The following PLAGL1 variants were observed in gnomAD, a reference collection of about 807,000 sequenced individuals.
PLAGL1 encodes the protein zinc finger protein PLAGL1.
In PLAGL1, 1 loss-of-function variant was observed where a neutral mutation model predicts 4.6. The ratio of observed to expected loss-of-function variants is 0.22; its 90% CI spans 0.08 to 1.03. PLAGL1 has a LOEUF of 1.03. Among genes scored for constraint, PLAGL1 ranks in the 50% least tolerant of loss-of-function variants. The pLI is 0.58. For synonymous variants in PLAGL1, 240 were observed against 237.8 expected (o/e 1.01, Z -0.08); for missense variants, 464 against 570.4 (o/e 0.81, Z 1.90).
chr6:144,014,020 C>G (rs1195050586), intron 1 of PLAGL1, among the ~76,000 whole-genome samples: 1 of 152,054 alleles, frequency 6.6e-6, no homozygotes, highest in African/African-American at 2.4e-5. Flanking sequence ...TGATTCTAAA[C>G]TTTATATGGA....
chr6:144,023,301 A>G (rs889456341), intron 1 of PLAGL1, among the ~76,000 whole-genome samples: 3 of 152,214 alleles, frequency 2.0e-5, no homozygotes, highest in African/African-American at 4.8e-5. Flanking sequence ...GCTATTGTGT[A>G]TGATAACATA....
intron 1 of PLAGL1, among the ~76,000 whole-genome samples, chr6:144,019,826 C>A (rs186743122): frequency 1.3e-5 from 2 of 150,858 alleles, no homozygotes; most frequent in African/African-American, 4.9e-5. Flanking sequence ...AGCTCAGATT[C>A]AGCCATCTGA....
intron 1 of PLAGL1, among the ~76,000 whole-genome samples, chr6:144,044,156 GT>G (rs529997770): frequency 6.6e-6 from 1 of 152,128 alleles, no homozygotes; most frequent in East Asian, 1.9e-4. Flanking sequence ...TTTTTGAAGG[GT>G]TTTTTGTGTC....
rs145754005 is a variant in PLAGL1, at chr6:144,036,159, G to A, written c.-151+28309C>T. ...TGCCTCCAGAATGACTCCTTCCAAT[G>A]CTCACTAATGCTTAGGGGCCTGAGG... On this transcript the variant is annotated intron_variant, in intron 1 of 3. Coordinates refer to the PLAGL1 transcript ENST00000437412. The surrounding 1 kb of genome is among the most constrained non-coding windows in gnomAD (Gnocchi z 5.1). Among the ~76,000 whole-genome samples, 67 of 152,270 alleles carry A rather than the reference G, an allele frequency of 4.4e-4. No homozygotes were observed. The highest frequency in any genetic ancestry group is 1.0e-3 in the African/African-American group (42 of 41,566).
At position 143,950,218 on chromosome 6, in the gene PLAGL1, A is replaced by G. The variant is rs1258667151; in HGVS notation, c.-324-1758T>C. 6.6e-6 allele frequency among the ~76,000 whole-genome samples: 1 copy of G among 152,136 alleles called. No individual in the cohort carries two copies. Among genetic ancestry groups the G allele is most frequent in the Non-Finnish European group, 1.5e-5 (1 of 68,000 alleles). ...ACCTTGGCACCACACCTTCTTTGTG[A>G]CGGCTGTGATTCTAGCAGCACACAC... On this transcript the variant is annotated intron_variant, in intron 6 of 7. Transcript: ENST00000674357. The surrounding 1 kb of genome is among the most constrained non-coding windows in gnomAD (Gnocchi z 6.3).
rs970496976 is a variant in PLAGL1, at chr6:143,949,013, A to G, written c.-324-553T>C. ...TTACTCTGCAGAAGGGCTGATATAA[A>G]CAGAATGTGCATGAAGCTAGTCTAG... On this transcript the variant is annotated intron_variant, in intron 6 of 7. Transcript: ENST00000674357. This position sits in a 1 kb window ranked among gnomAD's most constrained non-coding sequence, Gnocchi z 5.3. 2.0e-5 allele frequency among the ~76,000 whole-genome samples: 3 copies of G among 152,218 alleles called. No homozygotes were observed. Among genetic ancestry groups the G allele is most frequent in the African/African-American group, 7.2e-5 (3 of 41,464 alleles).
At chr6:144,033,173 T>C (rs1175829975) in intron 1 of PLAGL1, among the ~76,000 whole-genome samples, 2 of 152,172 alleles carry the variant, frequency 1.3e-5, no homozygotes, top group East Asian at 1.9e-4. Flanking sequence ...TGCGCAGATA[T>C]GTGAGTGACA....
At position 143,978,005 on chromosome 6, in the gene PLAGL1, T is replaced by C. The variant is rs368128989; in HGVS notation, c.-544+7130A>G. On this transcript the variant is annotated intron_variant, in intron 2 of 7. Transcript: ENST00000674357. This position sits in a 1 kb window ranked among gnomAD's most constrained non-coding sequence, Gnocchi z 4.6. ...CTATTCTCTTACTAATCCTGTATTT[T>C]ATCCATGGGATTAGCAGAATAACAC... is the stretch of plus-strand genomic sequence containing the variant. Among the ~76,000 whole-genome samples, 14 of 152,344 alleles carry C rather than the reference T, an allele frequency of 9.2e-5. No individual in the cohort carries two copies. In the South Asian group the frequency reaches 2.7e-3, roughly 29 times the overall value.
chr6:143,961,883 G>T lies in PLAGL1; in HGVS notation c.-398-1341C>A, dbSNP rs1322963516. 6.6e-6 allele frequency among the ~76,000 whole-genome samples: 1 copy of T among 152,142 alleles called. No individual in the cohort carries two copies. The highest frequency in any genetic ancestry group is 1.5e-5 in the Non-Finnish European group (1 of 68,028). Reference sequence around the variant, plus strand: ...GGGGTTCTTCTGCTTCCCAGGAAAGGGTGCACATAACGTGAGGTACGCAAA... The same window carrying T: ...GGGGTTCTTCTGCTTCCCAGGAAAGTGTGCACATAACGTGAGGTACGCAAA... On this transcript the variant is annotated intron_variant, in intron 5 of 7. Transcript: ENST00000674357. The surrounding 1 kb of genome is among the most constrained non-coding windows in gnomAD (Gnocchi z 6.5).
At chr6:143,987,665 C>T (rs1789528559) in intron 1 of PLAGL1, among the ~76,000 whole-genome samples, 3 of 151,974 alleles carry the variant, frequency 2.0e-5, no homozygotes, top group Non-Finnish European at 4.4e-5. Flanking sequence ...GCCAGCTGTC[C>T]GTGGCTGGGC....
intron 1 of PLAGL1, chr6:144,007,442 T>C (rs1794483299): frequency 6.6e-6 from 1 of 152,182 alleles, no homozygotes; most frequent in Non-Finnish European, 1.5e-5. Flanking sequence ...TTGATTTTTA[T>C]TGGTTTCCTA....
At chr6:144,007,772 TC>T (rs1431405234) in intron 1 of PLAGL1, 1 of 152,262 alleles carries the variant, frequency 6.6e-6, no homozygotes, top group Non-Finnish European at 1.5e-5. Flanking sequence ...TCTGTTTTTT[TC>T]CTGGCCCGTT....
At chr6:144,003,407 G>A (rs1268180920) in intron 1 of PLAGL1, among the ~76,000 whole-genome samples, 1 of 152,064 alleles carries the variant, frequency 6.6e-6, no homozygotes, top group Non-Finnish European at 1.5e-5. Flanking sequence ...GGTGGATCAC[G>A]AGGTCAGGAG....
chr6:144,042,310 T>A (rs1797805305), intron 1 of PLAGL1, among the ~76,000 whole-genome samples: 1 of 152,216 alleles, frequency 6.6e-6, no homozygotes, highest in Admixed American at 6.5e-5. Flanking sequence ...GTTTTAGGTC[T>A]AACATTTAAG....
intron 1 of PLAGL1, among the ~76,000 whole-genome samples, chr6:144,057,015 C>T (rs949838456): frequency 1.3e-5 from 2 of 152,130 alleles, no homozygotes; most frequent in African/African-American, 4.8e-5. Context: ...ATCCATTCAC[C>T]TACTGAAGGA....
rs1787196583 is a variant in PLAGL1, at chr6:143,978,478, G to T, written c.-544+6657C>A. Among the ~76,000 whole-genome samples, 1 of 152,056 alleles carries T rather than the reference G, an allele frequency of 6.6e-6. No homozygotes were observed. The highest frequency in any genetic ancestry group is 2.4e-5 in the African/African-American group (1 of 41,392). On this transcript the variant is annotated intron_variant, in intron 2 of 7. Transcript: ENST00000674357. The surrounding 1 kb of genome is among the most constrained non-coding windows in gnomAD (Gnocchi z 4.6). ...TTTCCAAATATTTGGAAAATTTCCA[G>T]CACTTTTTTCAGTATTAACTTTTAG...
intron 1 of PLAGL1, among the ~76,000 whole-genome samples, chr6:144,046,789 C>A (rs1444416135): frequency 6.6e-6 from 1 of 152,210 alleles, no homozygotes; most frequent in Non-Finnish European, 1.5e-5. Context: ...TATGCCCTGC[C>A]CCCAAAGGTG....
intron 1 of PLAGL1, among the ~76,000 whole-genome samples, chr6:144,029,340 A>G (rs544319289): frequency 6.6e-6 from 1 of 152,382 alleles, no homozygotes; most frequent in Admixed American, 6.5e-5. Flanking sequence ...AAGACATACC[A>G]TAAACAAAGT....
rs1413492531 is a variant in PLAGL1 at position 143,961,405 on chromosome 6, T to C, written c.-398-863A>G. 1 of 152,236 alleles carries C rather than the reference T, an allele frequency of 6.6e-6. No homozygotes were observed. Among genetic ancestry groups the C allele is most frequent in the Non-Finnish European group, 1.5e-5 (1 of 68,042 alleles). 9.4% of individuals were successfully genotyped at this position (152,236 alleles called of 1,614,324 possible). On this transcript the variant is annotated intron_variant, in intron 5 of 7. Transcript: ENST00000674357. The surrounding 1 kb of genome is among the most constrained non-coding windows in gnomAD (Gnocchi z 6.5). ...GCCAATTTATATCTCGCCTAAGTGA[T>C]TTATTCACTTGCCTATTTTCTTCTG...
Sources: allele counts gnomAD v4.1 joint callset (sites outside exome capture counted in the v4.1 genomes callset), GRCh38; gene constraint gnomAD v4.1.1; non-coding constraint Gnocchi (gnomAD v3.1); transcripts MANE v1.5; gene names NCBI Gene and HGNC (gene_info 2026-07-23, HGNC 2026-07-21).